The following TBCK variants were observed in gnomAD, a reference collection of about 807,000 sequenced individuals.
TBCK encodes TBC1 domain containing kinase.
A neutral mutation model predicts 113.4 loss-of-function variants in TBCK; 99 were observed. That is an observed-to-expected ratio of 0.87 (90% CI 0.74 to 1.03). The LOEUF (loss-of-function observed/expected upper bound fraction) is 1.03. Ranked by LOEUF, TBCK falls within the 50% of genes least tolerant of loss-of-function variation. TBCK has a pLI of 0.00. For missense variants in TBCK, 1,045 were observed against 1,061.3 expected, an observed-to-expected ratio of 0.98 and a Z score of 0.21; for synonymous variants, 369 against 370.8, an observed-to-expected ratio of 1.00 and a Z score of 0.05.
At chr4:106,166,928 C>T (rs928638757) in intron 23 of TBCK, among the ~76,000 whole-genome samples, 5 of 150,640 alleles carry the variant, frequency 3.3e-5, no homozygotes, top group Admixed American at 2.0e-4. Flanking sequence ...GTATAAAAAA[C>T]GTCAAACTTA....
chr4:106,161,482 A>C (rs1022192712), intron 23 of TBCK, among the ~76,000 whole-genome samples: 1 of 152,104 alleles, frequency 6.6e-6, no homozygotes, highest in African/African-American at 2.4e-5. Flanking sequence ...GTGCAGAGAG[A>C]CCAAGGAGTG....
At chr4:106,183,015 A>G (rs1312654087) in intron 22 of TBCK, among the ~76,000 whole-genome samples, 1 of 152,120 alleles carries the variant, frequency 6.6e-6, no homozygotes, top group Non-Finnish European at 1.5e-5. Context: ...AATACAGCAT[A>G]GAATGTTATT....
intron 19 of TBCK, among the ~76,000 whole-genome samples, chr4:106,214,316 C>T (rs983317352): frequency 6.6e-6 from 1 of 152,178 alleles, no homozygotes; most frequent in Non-Finnish European, 1.5e-5. Flanking sequence ...AGCGCCTCTC[C>T]TCCTCCAAAG....
rs1309748222 is a variant in TBCK, at chr4:106,043,038, T to C, written c.*3532A>G. 6.6e-6 allele frequency: 1 copy of C among 152,202 alleles called. No individual in the cohort carries two copies. Among genetic ancestry groups the C allele is most frequent in the Admixed American group, 6.5e-5 (1 of 15,274 alleles). The allele number at this position is 152,202 out of a possible 1,614,324, so 9.4% of individuals were successfully genotyped here. A position where few individuals can be genotyped will look rare whatever the true frequency, so the allele number is the denominator to read the frequency against. ...TCCAAAGCTATGTCTTCTATTCCTA[T>C]ATGTATTCCAAAACCTGAGTTCTTG... On this transcript the variant is annotated 3_prime_UTR_variant, in exon 26 of 26. Transcript: ENST00000394708.
At position 106,175,132 on chromosome 4, in the gene TBCK, C is replaced by CA. The variant is rs754840841; in HGVS notation, c.2060-3863dup. On this transcript the variant is annotated intron_variant, in intron 22 of 25. Transcript: ENST00000394708. The stretch of plus-strand genomic sequence containing the variant: ...GCCTGGCTACAGAGCAAGACTCTCT[C>CA]AAAAAAAAAAAAAAGAAAAAAAAAT... Among the ~76,000 whole-genome samples the CA allele has an allele frequency of 7.1e-3, 646 of 90,580 alleles. 7 individuals are homozygous for CA. Among genetic ancestry groups the CA allele is most frequent in the South Asian group, 0.033 (99 of 3,006 alleles). The allele number at this position is 90,580 out of a possible 152,430, so 59.4% of individuals were successfully genotyped here.
intron 3 of TBCK, among the ~76,000 whole-genome samples, chr4:106,290,672 C>T (rs924869866): frequency 1.3e-5 from 2 of 152,098 alleles, no homozygotes; most frequent in Non-Finnish European, 2.9e-5. Flanking sequence ...CCCAACCCCC[C>T]CACCATGGAC....
chr4:106,261,147 T>C (rs1006641899), intron 4 of TBCK, among the ~76,000 whole-genome samples: 2 of 152,124 alleles, frequency 1.3e-5, no homozygotes, highest in African/African-American at 2.4e-5. Flanking sequence ...GATCTTAAAA[T>C]TGGTTTGTCT....
intron 24 of TBCK, among the ~76,000 whole-genome samples, chr4:106,103,373 T>C (rs1447959805): frequency 1.3e-5 from 2 of 152,224 alleles, no homozygotes; most frequent in African/African-American, 4.8e-5. Flanking sequence ...TCTGAATGAA[T>C]ATATCTAGTG....
chr4:106,132,764 T>C (rs1020304680), intron 23 of TBCK, among the ~76,000 whole-genome samples: 3 of 152,226 alleles, frequency 2.0e-5, no homozygotes, highest in East Asian at 3.9e-4. Flanking sequence ...TCTTGTATCA[T>C]GTGACCTGGA....
At chr4:106,155,655 A>AT (rs1749037679) in intron 23 of TBCK, among the ~76,000 whole-genome samples, 1 of 151,976 alleles carries the variant, frequency 6.6e-6, no homozygotes, top group Admixed American at 6.6e-5. Context: ...TGCTTGATAC[A>AT]TTCTATTAGA....
chr4:106,105,206 C>T (rs1356639647), intron 24 of TBCK, among the ~76,000 whole-genome samples: 2 of 152,168 alleles, frequency 1.3e-5, no homozygotes, highest in Non-Finnish European at 2.9e-5. Context: ...CCCACAGGTC[C>T]CACACACTCC....
intron 23 of TBCK, among the ~76,000 whole-genome samples, chr4:106,125,726 G>C (rs148720922): frequency 2.4e-4 from 36 of 152,222 alleles, no homozygotes; most frequent in African/African-American, 5.8e-4. Flanking sequence ...TGGGACATAG[G>C]GGGAGAGTGG....
chr4:106,215,924 C>A (rs1275714999), intron 19 of TBCK, among the ~76,000 whole-genome samples: 1 of 150,044 alleles, frequency 6.7e-6, no homozygotes, highest in Non-Finnish European at 1.5e-5. Context: ...TTTTTTTCAG[C>A]ACCACACCAC....
intron 24 of TBCK, among the ~76,000 whole-genome samples, chr4:106,110,769 C>G (rs1346340356): frequency 6.6e-6 from 1 of 152,104 alleles, no homozygotes; most frequent in Non-Finnish European, 1.5e-5. Flanking sequence ...GGAGGAAGAA[C>G]TGTCACCTAC....
In TBCK at chr4:106,246,102, T is replaced by C. The variant is rs576344680; in HGVS notation, c.931+1037A>G. 7.2e-5 allele frequency among the ~76,000 whole-genome samples: 11 copies of C among 152,318 alleles called. No individual in the cohort carries two copies. The South Asian group carries it at 2.1e-3, about 29-fold the overall frequency. On this transcript the variant is annotated intron_variant, in intron 10 of 25. Transcript: ENST00000394708. Reference sequence around the variant, plus strand: ...TATCTCAAGGCAACGGCTGGCTGCCTTTTCTGAAGTCTTCCTTGATGTCCC... The same window carrying C: ...TATCTCAAGGCAACGGCTGGCTGCCCTTTCTGAAGTCTTCCTTGATGTCCC...
At chr4:106,253,918 G>C (rs1761698884) in intron 5 of TBCK, among the ~76,000 whole-genome samples, 1 of 152,178 alleles carries the variant, frequency 6.6e-6, no homozygotes, top group Admixed American at 6.5e-5. Flanking sequence ...TGGATCACAA[G>C]GGACAAAGAT....
chr4:106,072,850 C>A (rs1319916174), intron 25 of TBCK, among the ~76,000 whole-genome samples: 1 of 152,088 alleles, frequency 6.6e-6, no homozygotes, highest in Admixed American at 6.6e-5. Flanking sequence ...TTAATTTGAT[C>A]TTCAATCACT....
At chr4:106,219,188 G>A (rs1212551049) in intron 19 of TBCK, among the ~76,000 whole-genome samples, 1 of 138,732 alleles carries the variant, frequency 7.2e-6, no homozygotes, top group South Asian at 2.3e-4. Context: ...CATGGACACA[G>A]GAAGGGGAAC....
At chr4:106,316,316 C>T (rs188723134), upstream of TBCK, 23 of 485,542 alleles carry the variant, frequency 4.7e-5, no homozygotes, top group Non-Finnish European at 7.1e-5. Context: ...AAACTGGCCA[C>T]GAAAGGACAT....
Sources: allele counts gnomAD v4.1 joint callset (sites outside exome capture counted in the v4.1 genomes callset), GRCh38; gene constraint gnomAD v4.1.1; transcripts MANE v1.5; gene names NCBI Gene and HGNC (gene_info 2026-07-23, HGNC 2026-07-21).